ASB4: variants seen among roughly 807,000 people sequenced by gnomAD.
The protein encoded by ASB4 is ankyrin repeat and SOCS box containing 4, also known as ankyrin repeat and SOCS box protein 4.
ASB4 carries 35 observed loss-of-function variants against 38.6 expected under a neutral mutation model. The ratio of observed to expected loss-of-function variants is 0.91; its 90% CI spans 0.69 to 1.20. The LOEUF is 1.20. ASB4 is among the 50% of genes most tolerant of loss of function. ASB4 has a pLI of 0.00. For missense variants in ASB4, 557 were observed against 527.2 expected (o/e 1.06, Z -0.55); for synonymous variants, 195 against 201.3 (o/e 0.97, Z 0.26).
chr7:95,476,222 A>G (rs1293456885), upstream of ASB4, among the ~76,000 whole-genome samples: 2 of 152,218 alleles, frequency 1.3e-5, no homozygotes, highest in Non-Finnish European at 2.9e-5. Flanking sequence ...TCAGACACCT[A>G]ATAATAACTC....
intron 2 of ASB4, among the ~76,000 whole-genome samples, chr7:95,515,221 CTT>C (rs763779794): frequency 3.6e-5 from 4 of 111,796 alleles, no homozygotes; most frequent in African/African-American, 1.1e-4. Flanking sequence ...TTCTTTCTTT[CTT>C]TCTTTCTTTT....
At chr7:95,487,638 C>G (rs1160458681) in intron 1 of ASB4, among the ~76,000 whole-genome samples, 1 of 152,098 alleles carries the variant, frequency 6.6e-6, no homozygotes, top group Non-Finnish European at 1.5e-5. Flanking sequence ...CCTACTTCCA[C>G]CGGTGTCATC....
At chr7:95,487,000 A>G (rs1156415871) in intron 1 of ASB4, among the ~76,000 whole-genome samples, 1 of 152,206 alleles carries the variant, frequency 6.6e-6, no homozygotes, top group Non-Finnish European at 1.5e-5. Flanking sequence ...AACATCACTA[A>G]TGTTTAATAC....
chr7:95,510,715 A>G (rs1163813929), intron 2 of ASB4, among the ~76,000 whole-genome samples: 3 of 152,220 alleles, frequency 2.0e-5, no homozygotes, highest in South Asian at 2.1e-4. Flanking sequence ...ACCTGTTAGC[A>G]TTACAGGTTT....
At chr7:95,523,657 A>G (rs1057241125) in intron 2 of ASB4, among the ~76,000 whole-genome samples, 2 of 152,172 alleles carry the variant, frequency 1.3e-5, no homozygotes, top group Admixed American at 6.5e-5. Flanking sequence ...GTTTCAGCTT[A>G]ATAATTCTAT....
At chr7:95,474,182 A>G (rs1011619625), upstream of ASB4, among the ~76,000 whole-genome samples, 1 of 152,242 alleles carries the variant, frequency 6.6e-6, no homozygotes, top group Non-Finnish European at 1.5e-5. Flanking sequence ...GCGAATATGC[A>G]TATGTGCTGA....
upstream of ASB4, among the ~76,000 whole-genome samples, chr7:95,477,945 A>T (rs1327151274): frequency 6.6e-6 from 1 of 151,208 alleles, no homozygotes; most frequent in African/African-American, 2.4e-5. Flanking sequence ...GCAATATCCC[A>T]TAGTTTTGGT....
intron 2 of ASB4, among the ~76,000 whole-genome samples, chr7:95,499,689 G>GGCTGGAGGGA (rs1790302950): frequency 6.6e-6 from 1 of 152,010 alleles, no homozygotes; most frequent in Admixed American, 6.6e-5. Context: ...TGCTGGAGGG[G>GGCTGGAGGGA]GCTGGAGGGA....
Position 95,528,182 on chromosome 7 carries a change from G to C in ASB4, c.857G>C (p.Cys286Ser). 6.2e-7 allele frequency: 1 copy of C among 1,614,212 alleles called. No homozygotes were observed. Among genetic ancestry groups the C allele is most frequent in the Non-Finnish European group, 8.5e-7 (1 of 1,180,046 alleles). ...GCCAATCTCATGGATATCAACGGCT[G>C]TGCTGCCATCCAGTACGTGCTGAAG... ...AEANLMDING[C>S]AAIQYVLKVT... Residue 286 changes from cysteine (C) to serine (S), a missense_variant, in exon 3 of 5, where the codon TGT (cysteine) becomes TCT (serine). By Grantham distance (112) the Cys-to-Ser change is moderately radical. Transcript: ENST00000325885.
At chr7:95,475,307 G>C (rs1327756670), upstream of ASB4, among the ~76,000 whole-genome samples, 1 of 152,152 alleles carries the variant, frequency 6.6e-6, no homozygotes, top group Non-Finnish European at 1.5e-5. Flanking sequence ...CGCCCACCTG[G>C]ATGTAGAATT....
intron 2 of ASB4, among the ~76,000 whole-genome samples, chr7:95,515,210 TTTCTTTCTTTCTTTCTTTC>T (rs1790546838): frequency 7.6e-6 from 1 of 131,888 alleles, no homozygotes; most frequent in Non-Finnish European, 1.6e-5. Context: ...TCTTTCTTTC[TTTCTTTCTTTCTTTCTTTC>T]TTTTTCTTTC....
At chr7:95,504,497 G>A (rs905532280) in intron 2 of ASB4, among the ~76,000 whole-genome samples, 4 of 152,076 alleles carry the variant, frequency 2.6e-5, no homozygotes, top group Admixed American at 2.0e-4. Flanking sequence ...CATCTTCTGC[G>A]TTATACATTG....
At chr7:95,495,677 T>A in intron 1 of ASB4, 81 bp from the exon 2 acceptor site, 1 of 1,400,692 alleles carries the variant, frequency 7.1e-7, no homozygotes. Context: ...AATAAAATAC[T>A]TGTAAAAATC....
At chr7:95,491,176 G>C (rs1488861859) in intron 1 of ASB4, among the ~76,000 whole-genome samples, 1 of 152,192 alleles carries the variant, frequency 6.6e-6, no homozygotes, top group Non-Finnish European at 1.5e-5. Context: ...TATGTATCAT[G>C]GTCAAAGCCA....
chr7:95,506,090 G>T (rs950376626), intron 2 of ASB4, among the ~76,000 whole-genome samples: 2 of 151,962 alleles, frequency 1.3e-5, no homozygotes, highest in Non-Finnish European at 2.9e-5. Context: ...GTAGAGACAG[G>T]GTCTTGCTAT....
In ASB4 at chr7:95,495,748, T is replaced by C. The variant is rs776609639; in HGVS notation, c.188-10T>C. 157 of 1,570,160 alleles carry C rather than the reference T, an allele frequency of 1.0e-4. 3 individuals are homozygous for C. The South Asian group carries it at 1.8e-3, about 18-fold the overall frequency. ...TAAACTTTCCTTTTCCTTTTTTTTTTTTTTTTCAGGTTACTGGTTGCCTAG... is the reference window on the plus strand; with the variant it reads ...TAAACTTTCCTTTTCCTTTTTTTTTCTTTTTTCAGGTTACTGGTTGCCTAG... On this transcript the variant is annotated splice_polypyrimidine_tract_variant and intron_variant, in intron 1 of 4. Transcript: ENST00000325885.
chr7:95,535,091 C>A (rs533912779), intron 3 of ASB4, among the ~76,000 whole-genome samples: 1 of 152,286 alleles, frequency 6.6e-6, no homozygotes, highest in South Asian at 2.1e-4. Flanking sequence ...CATGCGCACA[C>A]TCTTACTTAG....
At chr7:95,503,851 A>G (rs371253714) in intron 2 of ASB4, among the ~76,000 whole-genome samples, 2 of 152,314 alleles carry the variant, frequency 1.3e-5, no homozygotes, top group South Asian at 2.1e-4. Context: ...TAATTGAGGC[A>G]AAAAATTGCA....
chr7:95,508,985 T>C lies in ASB4; in HGVS notation c.487+12928T>C, dbSNP rs568403046. 2.6e-5 allele frequency among the ~76,000 whole-genome samples: 4 copies of C among 152,294 alleles called. No homozygotes were observed. In the South Asian group the frequency reaches 8.3e-4, roughly 32 times the overall value. On this transcript the variant is annotated intron_variant, in intron 2 of 4. Coordinates refer to ENST00000325885, the MANE Select transcript of ASB4 (RefSeq NM_016116.3). ...GATAACGACTCAGTCCAGGTATGAC[T>C]GTGGGTTGGAGTCATCAAGTCAGAG...
Sources: gnomAD v4.1 joint callset for allele counts (sites outside exome capture counted in the v4.1 genomes callset) on GRCh38, gnomAD v4.1.1 for gene constraint, MANE v1.5 for transcripts, NCBI Gene and HGNC (gene_info 2026-07-23, HGNC 2026-07-21) for gene names.